Variants in HOXB3 observed in about 807,000 individuals in gnomAD.
HOXB3 encodes homeobox protein Hox-B3.
Under a neutral mutation model 29.2 loss-of-function variants are expected in HOXB3, and 17 were observed. That is an observed-to-expected ratio of 0.58 (90% CI 0.40 to 0.87). The LOEUF (loss-of-function observed/expected upper bound fraction) is 0.87. Ranked by LOEUF, HOXB3 falls within the 40% of genes least tolerant of loss-of-function variation. The pLI is 0.00. For missense variants in HOXB3, 637 were observed against 616.3 expected, an observed-to-expected ratio of 1.03 and a Z score of -0.35; for synonymous variants, 317 against 285.9, an observed-to-expected ratio of 1.11 and a Z score of -1.10.
At chr17:48,576,650 T>TGCCCCCCCCCCCACCCCC in intron 1 of HOXB3, 1 of 567,770 alleles carries the variant, frequency 1.8e-6, no homozygotes, top group African/African-American at 2.0e-5. Context: ...CCCCCTCCTG[T>TGCCCCCCCCCCCACCCCC]CCCCCCACCC....
rs146628535 is a variant in HOXB3, at chr17:48,551,587, A to T, written c.449-406T>A. 5.2e-3 allele frequency among the ~76,000 whole-genome samples: 787 copies of T among 152,320 alleles called. 1 individual carries two copies. The highest frequency in any genetic ancestry group is 8.8e-3 in the Non-Finnish European group (600 of 68,010). On this transcript the variant is annotated intron_variant, in intron 4 of 4. Coordinates refer to ENST00000498678, the MANE Select transcript of HOXB3 (RefSeq NM_001384749.1). The stretch of plus-strand genomic sequence containing the variant: ...GAGGACAGGATGGGAGACTGAGGAG[A>T]ATCCTCGGGGTAATCTGGACACTCG...
chr17:48,584,968 G>T (rs912408711), intron 1 of HOXB3, among the ~76,000 whole-genome samples: 2 of 76,690 alleles, frequency 2.6e-5, no homozygotes, highest in African/African-American at 1.0e-4. Flanking sequence ...TCCCACTCAC[G>T]CATGGTGTAA....
chr17:48,585,462 G>T (rs2070029211), intron 1 of HOXB3, among the ~76,000 whole-genome samples: 1 of 152,218 alleles, frequency 6.6e-6, no homozygotes, highest in Non-Finnish European at 1.5e-5. Flanking sequence ...GATGCGGGGG[G>T]GCCCGGGGCC....
intron 2 of HOXB3, among the ~76,000 whole-genome samples, chr17:48,558,580 C>CT (rs1567952000): frequency 6.6e-6 from 1 of 152,148 alleles, no homozygotes; most frequent in African/African-American, 2.4e-5. Context: ...AGCAGGCGGG[C>CT]TGCCCTCTGA....
At position 48,550,550 on chromosome 17, in the gene HOXB3, A is replaced by T; in HGVS notation, c.1080T>A (p.Asp360Glu). 1.3e-6 allele frequency: 2 copies of T among 1,523,656 alleles called. No individual in the cohort carries two copies. Among genetic ancestry groups the T allele is most frequent in the Non-Finnish European group, 1.7e-6 (2 of 1,147,994 alleles). 94.4% of individuals were successfully genotyped at this position (1,523,656 alleles called of 1,614,324 possible). ...AGGGGCCGGCAGGGGGCGGCAGCGG[A>T]TCCGCGTAGCCGCCCCCGCCCACGT... ...PVYVGGGGYA[D>E]PLPPPAGPSL... The change falls in exon 5 of 5, where the codon GAT becomes GAA. Residue 360 changes from aspartate (D) to glutamate (E), a missense_variant. By Grantham distance (45) the Asp-to-Glu change is conservative. Transcript: ENST00000498678.
intron 1 of HOXB3, chr17:48,575,116 TG>T (rs2069717510): frequency 6.6e-6 from 1 of 152,274 alleles, no homozygotes; most frequent in Non-Finnish European, 1.5e-5. Context: ...AAGAGCCTTC[TG>T]TCTAAAAGGA....
intron 2 of HOXB3, among the ~76,000 whole-genome samples, chr17:48,561,213 C>CACAA (rs2069184370): frequency 6.6e-6 from 1 of 151,748 alleles, no homozygotes; most frequent in Non-Finnish European, 1.5e-5. Flanking sequence ...CACACACACA[C>CACAA]ACACACACAC....
chr17:48,552,058 C>A lies in HOXB3; in HGVS notation c.417G>T (p.Thr139=). Residue 139 remains threonine, a synonymous_variant, in exon 4 of 5, where the codon ACG becomes ACT. Transcript: ENST00000498678. ...IFPWMKESRQ[T]SKLKNNSPGT... The stretch of plus-strand genomic sequence containing the variant: ...CGGGGGAGTTGTTTTTCAGCTTGGA[C>A]GTTTGCCTCGACTCTTTCATCCAGG... The A allele has an allele frequency of 6.3e-7, 1 of 1,594,340 alleles. No individual in the cohort carries two copies. Among genetic ancestry groups the A allele is most frequent in the Non-Finnish European group, 8.6e-7 (1 of 1,167,284 alleles).
rs1283892579 is a variant in HOXB3 at position 48,550,505 on chromosome 17, G to C, written c.1125C>G (p.His375Gln). 1.9e-6 allele frequency: 3 copies of C among 1,599,590 alleles called. No homozygotes were observed. The Admixed American group carries it at 5.2e-5, about 28-fold the overall frequency. Residue 375 changes from histidine to glutamine, a missense_variant, in exon 5 of 5, where the codon CAC becomes CAG. Physicochemically the swap from His to Gln is conservative, Grantham distance 24. Coordinates refer to ENST00000498678, the MANE Select transcript of HOXB3 (RefSeq NM_001384749.1). Reference protein sequence around the residue: ...PAGPSLYGLNHLSHHPSGNLD... With the variant: ...PAGPSLYGLNQLSHHPSGNLD... ...GGTTCCCGGAAGGGTGATGGGAAAG[G>C]TGGTTGAGGCCATAGAGGGAGGGGC... is the stretch of plus-strand genomic sequence containing the variant.
At chr17:48,575,055 C>A (rs750418840) in intron 1 of HOXB3, 1 of 152,192 alleles carries the variant, frequency 6.6e-6, no homozygotes. Flanking sequence ...TCTTATGCTG[C>A]GAGGAAAGAG....
Position 48,555,574 on chromosome 17 carries a change from T to A in HOXB3, c.-202A>T. ...GAGAACAGGCAGACATAATATATAT[T>A]CACATCGAGCCCCAGAGCGAGCGGC... On this transcript the variant is annotated 5_prime_UTR_variant, in exon 3 of 5. The change abolishes the stop of an existing upstream ORF in the 5' untranslated region. Transcript: ENST00000498678. The A allele has an allele frequency of 1.4e-6, 1 of 702,616 alleles. No individual in the cohort carries two copies. The allele number at this position is 702,616 out of a possible 1,614,324, so 43.5% of individuals were successfully genotyped here. A position where few individuals can be genotyped will look rare whatever the true frequency, so the allele number is the denominator to read the frequency against.
At chr17:48,559,493 C>T (rs2069119107) in intron 2 of HOXB3, 1 of 152,288 alleles carries the variant, frequency 6.6e-6, no homozygotes, top group African/African-American at 2.4e-5. Context: ...TTCCCAGTCC[C>T]ACACTGTTTT....
chr17:48,577,986 C>T (rs753574039), intron 1 of HOXB3: 2 of 1,306,022 alleles, frequency 1.5e-6, no homozygotes, highest in Non-Finnish European at 2.0e-6. Flanking sequence ...CTGCTGACCG[C>T]CTCGCAGCGC....
chr17:48,582,084 G>C (rs1218356035), intron 1 of HOXB3: 1 of 152,440 alleles, frequency 6.6e-6, no homozygotes, highest in South Asian at 2.1e-4. Flanking sequence ...GGTTGCTAGC[G>C]TGACCTCGCC....
chr17:48,581,176 G>A (rs1166352134), intron 1 of HOXB3: 2 of 152,230 alleles, frequency 1.3e-5, no homozygotes, highest in Non-Finnish European at 2.9e-5. Context: ...CAGGTGGGTA[G>A]GAGGAGAGTT....
rs1331835445 is a variant in HOXB3, at chr17:48,555,361, AGAGG to A, written c.-159+166_-159+169del. The A allele has an allele frequency of 9.5e-4, 397 of 418,100 alleles. 3 individuals carry two copies. Among genetic ancestry groups the A allele is most frequent in the African/African-American group, 8.8e-3 (167 of 18,940 alleles). 25.9% of individuals were successfully genotyped at this position (418,100 alleles called of 1,614,324 possible). A position where few individuals can be genotyped will look rare whatever the true frequency, so the allele number is the denominator to read the frequency against. ...GAGAGAGAGAGAGAGAGAGAGAGAG[AGAGG>A]GAGGGAGGGAGGGAGGGAGGGAGGG... On this transcript the variant is annotated intron_variant, in intron 3 of 4. Coordinates refer to ENST00000498678, the MANE Select transcript of HOXB3 (RefSeq NM_001384749.1).
chr17:48,550,035 C>A lies in HOXB3; in HGVS notation c.*299G>T. The stretch of plus-strand genomic sequence containing the variant: ...CTCGTCCTGTCTCGTCTTCCTCTAC[C>A]CCACTCCCGGGCGTGGAATTCCAAC... On this transcript the variant is annotated 3_prime_UTR_variant, in exon 5 of 5. Coordinates refer to ENST00000498678, the MANE Select transcript of HOXB3 (RefSeq NM_001384749.1). The A allele has an allele frequency of 2.7e-6, 1 of 370,224 alleles. No individual in the cohort carries two copies. The highest frequency in any genetic ancestry group is 4.9e-6 in the Non-Finnish European group (1 of 203,220). 22.9% of individuals were successfully genotyped at this position (370,224 alleles called of 1,614,324 possible).
chr17:48,552,541 G>A lies in HOXB3; in HGVS notation c.-67C>T. The A allele has an allele frequency of 1.6e-6, 2 of 1,287,318 alleles. No individual in the cohort carries two copies. Among genetic ancestry groups the A allele is most frequent in the Non-Finnish European group, 2.1e-6 (2 of 937,320 alleles). The allele number at this position is 1,287,318 out of a possible 1,614,324, so 79.7% of individuals were successfully genotyped here. A position where few individuals can be genotyped will look rare whatever the true frequency, so the allele number is the denominator to read the frequency against. ...CCTGATACCCTCAGGACCGGACATT[G>A]GCAACCCTGGGGGTCACGTGACACG... is the stretch of plus-strand genomic sequence containing the variant. On this transcript the variant is annotated 5_prime_UTR_variant, in exon 4 of 5. It introduces an in-frame stop codon into an upstream open reading frame of the 5' UTR. Transcript: ENST00000498678.
At chr17:48,571,707 A>G (rs751704064) in intron 2 of HOXB3, among the ~76,000 whole-genome samples, 3 of 152,206 alleles carry the variant, frequency 2.0e-5, no homozygotes, top group Non-Finnish European at 4.4e-5. Flanking sequence ...GGTAATGAAT[A>G]CACATCTCCC....
Sources: gnomAD v4.1 joint callset for allele counts (sites outside exome capture counted in the v4.1 genomes callset) on GRCh38, gnomAD v4.1.1 for gene constraint, MANE v1.5 for transcripts, NCBI Gene and HGNC (gene_info 2026-07-23, HGNC 2026-07-21) for gene names.